Variants in PTDSS2 observed in about 807,000 individuals in gnomAD.
PTDSS2 encodes the protein PSS-2.
In PTDSS2, 41 loss-of-function variants were observed where a neutral mutation model predicts 64.7. That is an observed-to-expected ratio of 0.63 (90% CI 0.49 to 0.82). The LOEUF (loss-of-function observed/expected upper bound fraction) is 0.82, where lower values mean the gene tolerates loss of function less well. Among genes scored for constraint, PTDSS2 ranks in the 40% least tolerant of loss-of-function variants. The pLI, the probability that PTDSS2 is intolerant of heterozygous loss-of-function variation, is 0.00. For missense variants in PTDSS2, 485 were observed against 650.0 expected (o/e 0.75, Z 2.76); for synonymous variants, 297 against 277.8 (o/e 1.07, Z -0.69).
At chr11:472,728 G>A (rs1267693452) in intron 2 of PTDSS2, among the ~76,000 whole-genome samples, 1 of 152,198 alleles carries the variant, frequency 6.6e-6, no homozygotes, top group Non-Finnish European at 1.5e-5. Context: ...GAATTTCTGA[G>A]ACTGAAGTTG....
At chr11:466,650 C>G (rs1847155747) in intron 2 of PTDSS2, among the ~76,000 whole-genome samples, 1 of 152,038 alleles carries the variant, frequency 6.6e-6, no homozygotes, top group Admixed American at 6.6e-5. Context: ...CTCAAGTGAT[C>G]CGCCCACCTC....
In PTDSS2 at chr11:479,131, T is replaced by C; in HGVS notation, c.414T>C (p.Phe138=). 1 of 1,614,118 alleles carries C rather than the reference T, an allele frequency of 6.2e-7. No homozygotes were observed. Among genetic ancestry groups the C allele is most frequent in the Non-Finnish European group, 8.5e-7 (1 of 1,179,958 alleles). Residue 138 remains phenylalanine, a synonymous_variant, in exon 4 of 12, where the codon TTT becomes TTC. Transcript: ENST00000308020. The surrounding 1 kb of genome is among the most constrained non-coding windows in gnomAD (Gnocchi z 4.2). ...GCGTGAGTGTGGTCTACGAGCTGTTTCTCATCTTTATACTCTTCCAGGTAA... is the reference window on the plus strand; with the variant it reads ...GCGTGAGTGTGGTCTACGAGCTGTTCCTCATCTTTATACTCTTCCAGGTAA... ...WLCVSVVYEL[F]LIFILFQTVQ...
intron 10 of PTDSS2, 33 bp from the exon 11 acceptor site, chr11:489,850 C>T (rs1158323508): frequency 1.7e-5 from 27 of 1,552,574 alleles, no homozygotes; most frequent in Non-Finnish European, 2.2e-5. Context: ...CCCTGCGGGG[C>T]CCGGGACGCT....
chr11:449,913 A>G (rs1846239487), upstream of PTDSS2, among the ~76,000 whole-genome samples: 1 of 152,030 alleles, frequency 6.6e-6, no homozygotes, highest in Non-Finnish European at 1.5e-5. Context: ...GCGCCATTGC[A>G]CTCCAGCTCG....
At position 488,321 on chromosome 11, in the gene PTDSS2, C is replaced by G. The variant is rs1564996974; in HGVS notation, c.735+9C>G. On this transcript the variant is annotated intron_variant, in intron 7 of 11. Transcript: ENST00000308020. ...AGTGCTGGTGGGATCACGTAGGTGC[C>G]AGCACAGCCCCCGGGGCAGTCGGTG... 6.2e-7 allele frequency: 1 copy of G among 1,603,480 alleles called. No homozygotes were observed. Among genetic ancestry groups the G allele is most frequent in the Non-Finnish European group, 8.5e-7 (1 of 1,171,704 alleles).
chr11:451,313 G>A, intron 1 of PTDSS2: 2 of 419,732 alleles, frequency 4.8e-6, no homozygotes. Context: ...AAAGGAAGAG[G>A]CCCCCGGGAG....
Position 489,572 on chromosome 11 carries a change from C to T in PTDSS2, c.970-16C>T. ...GGCGGGGGGCCAGAGCTGGTGCTCA[C>T]CCTCTCCTCCCCTAGTTCCTGTTGG... is the stretch of plus-strand genomic sequence containing the variant. On this transcript the variant is annotated splice_polypyrimidine_tract_variant and intron_variant, in intron 9 of 11. Coordinates refer to ENST00000308020, the MANE Select transcript of PTDSS2 (RefSeq NM_030783.3). The T allele has an allele frequency of 1.9e-6, 3 of 1,605,672 alleles. No homozygotes were observed. The highest frequency in any genetic ancestry group is 2.6e-6 in the Non-Finnish European group (3 of 1,175,984).
chr11:450,316 C>A lies in PTDSS2; in HGVS notation c.-140C>A. 1 of 657,066 alleles carries A rather than the reference C, an allele frequency of 1.5e-6. No homozygotes were observed. The highest frequency in any genetic ancestry group is 2.1e-6 in the Non-Finnish European group (1 of 469,074). 40.7% of individuals were successfully genotyped at this position (657,066 alleles called of 1,614,324 possible). A position where few individuals can be genotyped will look rare whatever the true frequency, so the allele number is the denominator to read the frequency against. ...ACACCCTTTACTGGCCGGCCCCGCG[C>A]TGCTCTCCTAAGACCCCGCGGGCCA... is the stretch of plus-strand genomic sequence containing the variant. On this transcript the variant is annotated 5_prime_UTR_variant, in exon 1 of 12. The change creates a new upstream start codon in the 5' untranslated region. Transcript: ENST00000308020.
In PTDSS2 at chr11:479,178, C is replaced by T; in HGVS notation, c.435+26C>T. ...GTAAGCTGTTTTTCTGGGTTGGATACCTGGGAACTTAGGTGACAGTGTGGC... is the reference window on the plus strand; with the variant it reads ...GTAAGCTGTTTTTCTGGGTTGGATATCTGGGAACTTAGGTGACAGTGTGGC... On this transcript the variant is annotated intron_variant, in intron 4 of 11. Coordinates refer to ENST00000308020, the MANE Select transcript of PTDSS2 (RefSeq NM_030783.3). The surrounding 1 kb of genome is among the most constrained non-coding windows in gnomAD (Gnocchi z 4.2). 1 of 1,592,586 alleles carries T rather than the reference C, an allele frequency of 6.3e-7. No individual in the cohort carries two copies. Among genetic ancestry groups the T allele is most frequent in the Middle Eastern group, 1.7e-4 (1 of 6,024 alleles).
chr11:457,324 T>C lies in PTDSS2; in HGVS notation c.183-2863T>C, dbSNP rs1455035478. ...TCATCCGGAAGGCCCGTGTCTCCGCTCCAGTCTGCTTTTCGTGGATGCAAA... is the reference window on the plus strand; with the variant it reads ...TCATCCGGAAGGCCCGTGTCTCCGCCCCAGTCTGCTTTTCGTGGATGCAAA... On this transcript the variant is annotated intron_variant, in intron 1 of 11. Coordinates refer to ENST00000308020, the MANE Select transcript of PTDSS2 (RefSeq NM_030783.3). Among the ~76,000 whole-genome samples, 4 of 152,240 alleles carry C rather than the reference T, an allele frequency of 2.6e-5. No homozygotes were observed. The South Asian group carries it at 8.3e-4, about 32-fold the overall frequency.
intron 1 of PTDSS2, chr11:458,557 G>A (rs1247905194): frequency 2.1e-5 from 3 of 144,786 alleles, no homozygotes; most frequent in African/African-American, 5.3e-5. Flanking sequence ...TGTCTCCCAG[G>A]CTAGAGTGCA....
At chr11:490,309 C>G in intron 11 of PTDSS2, 111 bp from the exon 12 acceptor site, 1 of 1,473,402 alleles carries the variant, frequency 6.8e-7, no homozygotes, top group Non-Finnish European at 9.4e-7. Context: ...GGGTACCCGG[C>G]ACCCACCCAG....
In PTDSS2 at chr11:490,471, G is replaced by A. The variant is rs1188234651; in HGVS notation, c.1353G>A (p.Lys451=). The A allele has an allele frequency of 1.2e-6, 2 of 1,613,198 alleles. No individual in the cohort carries two copies. Among genetic ancestry groups the A allele is most frequent in the Non-Finnish European group, 1.7e-6 (2 of 1,179,930 alleles). ...KETRWQKWQN[K]DDQGSTVGNG... is the part of the protein sequence containing the mutation. ...CCCGGTGGCAGAAGTGGCAGAACAA[G>A]GATGACCAGGGCAGCACCGTCGGCA... Residue 451 remains lysine, a synonymous_variant, in exon 12 of 12, where the codon AAG becomes AAA. Coordinates refer to ENST00000308020, the MANE Select transcript of PTDSS2 (RefSeq NM_030783.3).
chr11:453,722 C>T (rs1379852997), intron 1 of PTDSS2, among the ~76,000 whole-genome samples: 1 of 152,242 alleles, frequency 6.6e-6, no homozygotes, highest in East Asian at 1.9e-4. Context: ...CCTTGGGCTG[C>T]CCATCCAGGC....
chr11:454,438 G>T (rs546229039), intron 1 of PTDSS2, among the ~76,000 whole-genome samples: 1 of 152,336 alleles, frequency 6.6e-6, no homozygotes, highest in East Asian at 1.9e-4. Context: ...TCAATGATCA[G>T]CGTTTCCCTG....
intron 4 of PTDSS2, chr11:480,251 C>A (rs1047330671): frequency 7.4e-6 from 1 of 135,552 alleles, no homozygotes; most frequent in African/African-American, 2.9e-5. Context: ...CAGGATCATG[C>A]GGTGTGCAGC....
chr11:449,974 G>A (rs1331415919), upstream of PTDSS2, among the ~76,000 whole-genome samples: 1 of 152,178 alleles, frequency 6.6e-6, no homozygotes, highest in Non-Finnish European at 1.5e-5. Context: ...GGTCGCATGG[G>A]GTGAAGGGTC....
intron 2 of PTDSS2, among the ~76,000 whole-genome samples, chr11:464,307 G>A (rs118118821): frequency 0.013 from 1,920 of 152,278 alleles, 17 homozygotes; most frequent in Non-Finnish European, 0.02. Flanking sequence ...TTGAGTCAAC[G>A]TTATTGACCT....
intron 7 of PTDSS2, 30 bp from the exon 8 acceptor site, chr11:488,499 C>A: frequency 6.3e-7 from 1 of 1,575,012 alleles, no homozygotes; most frequent in South Asian, 1.1e-5. Flanking sequence ...ACCCCTCACC[C>A]CTGCAACGAG....
Sources: gnomAD v4.1 joint callset for allele counts (sites outside exome capture counted in the v4.1 genomes callset) on GRCh38, gnomAD v4.1.1 for gene constraint, Gnocchi (gnomAD v3.1) non-coding constraint, MANE v1.5 for transcripts, NCBI Gene and HGNC (gene_info 2026-07-23, HGNC 2026-07-21) for gene names.